Variants in GDPD1 observed in about 807,000 individuals in gnomAD.
GDPD1 encodes glycerophosphodiester phosphodiesterase domain containing 1, also known as lysophospholipase D GDPD1.
GDPD1 carries 28 observed loss-of-function variants against 45.1 expected under a neutral mutation model. That is an observed-to-expected ratio of 0.62 (90% confidence interval 0.46 to 0.85). The LOEUF is 0.85. Among genes scored for constraint, GDPD1 ranks in the 40% least tolerant of loss-of-function variants. The probability of loss-of-function intolerance (pLI) is 0.00; values close to 1 mark genes in which losing one functional copy is unlikely to be tolerated. For synonymous variants in GDPD1, 139 were observed against 131.4 expected, an observed-to-expected ratio of 1.06 and a Z score of -0.40; for missense variants, 256 against 364.8, an observed-to-expected ratio of 0.70 and a Z score of 2.43.
chr17:59,267,189 T>A lies in GDPD1; in HGVS notation c.710+15T>A. On this transcript the variant is annotated intron_variant, in intron 7 of 9. Transcript: ENST00000284116. ...ATTATACTGAAGTAAGTGGTTACCC[T>A]TTTATTTTAAAATCAATTATCAATT... 2 of 1,598,004 alleles carry A rather than the reference T, an allele frequency of 1.3e-6. No homozygotes were observed. The highest frequency in any genetic ancestry group is 8.5e-7 in the Non-Finnish European group (1 of 1,171,414).
intron 7 of GDPD1, among the ~76,000 whole-genome samples, chr17:59,268,664 C>T (rs948985323): frequency 6.6e-6 from 1 of 151,474 alleles, no homozygotes; most frequent in Non-Finnish European, 1.5e-5. Flanking sequence ...GAGCTTTCCT[C>T]TTTTATAGCA....
chr17:59,275,273 T>A lies in GDPD1; in HGVS notation c.*1500T>A. The A allele has an allele frequency of 8.2e-7, 1 of 1,214,730 alleles. No homozygotes were observed. The highest frequency in any genetic ancestry group is 1.2e-6 in the Non-Finnish European group (1 of 858,608). The allele number at this position is 1,214,730 out of a possible 1,614,324, so 75.2% of individuals were successfully genotyped here. A position where few individuals can be genotyped will look rare whatever the true frequency, so the allele number is the denominator to read the frequency against. Reference sequence around the variant, plus strand: ...CAGTGATGTGTAGTTATTTGGCAAGTTATACATAATCAGCAGCAGCCAGGC... The same window carrying A: ...CAGTGATGTGTAGTTATTTGGCAAGATATACATAATCAGCAGCAGCCAGGC... On this transcript the variant is annotated 3_prime_UTR_variant, in exon 10 of 10. Coordinates refer to ENST00000284116, the MANE Select transcript of GDPD1 (RefSeq NM_182569.4).
At chr17:59,239,002 A>G (rs2047155782) in intron 2 of GDPD1, among the ~76,000 whole-genome samples, 1 of 152,220 alleles carries the variant, frequency 6.6e-6, no homozygotes, top group African/African-American at 2.4e-5. Context: ...TAATAAAACT[A>G]GGTTATTAAA....
chr17:59,254,425 G>A (rs985594397), intron 4 of GDPD1, among the ~76,000 whole-genome samples: 4 of 151,836 alleles, frequency 2.6e-5, no homozygotes, highest in African/African-American at 9.7e-5. Context: ...CAGCTATTTG[G>A]AGGCTGAGGC....
At position 59,275,856 on chromosome 17, in the gene GDPD1, G is replaced by C. The variant is rs145863354; in HGVS notation, c.*2083G>C. On this transcript the variant is annotated 3_prime_UTR_variant, in exon 10 of 10. Transcript: ENST00000284116. ...TTACCTAGATTACATCTCTCATTTG[G>C]AGTTTGGCAATGAAACTGCTATGAA... is the stretch of plus-strand genomic sequence containing the variant. The C allele has an allele frequency of 2.0e-5, 3 of 152,286 alleles. No homozygotes were observed. Among genetic ancestry groups the C allele is most frequent in the African/African-American group, 7.2e-5 (3 of 41,568 alleles). The allele number at this position is 152,286 out of a possible 1,614,324, so 9.4% of individuals were successfully genotyped here. A position where few individuals can be genotyped will look rare whatever the true frequency, so the allele number is the denominator to read the frequency against.
At chr17:59,255,906 G>A (rs1324980337) in intron 4 of GDPD1, among the ~76,000 whole-genome samples, 2 of 137,208 alleles carry the variant, frequency 1.5e-5, no homozygotes, top group Admixed American at 1.5e-4. Context: ...TATATATATG[G>A]GCGTGGTGGT....
At chr17:59,265,566 G>T (rs1052008063) in intron 6 of GDPD1, among the ~76,000 whole-genome samples, 1 of 150,586 alleles carries the variant, frequency 6.6e-6, no homozygotes, top group South Asian at 2.1e-4. Context: ...GTACACATAG[G>T]AGGGCAAGGA....
At position 59,255,831 on chromosome 17, in the gene GDPD1, G is replaced by GTATA. The variant is rs369473417; in HGVS notation, c.368-1274_368-1271dup. On this transcript the variant is annotated intron_variant, in intron 4 of 9. Transcript: ENST00000284116. ...TATATACGCGTATATATATATACGC[G>GTATA]TATATATATATATATATATACACAC... is the stretch of plus-strand genomic sequence containing the variant. Among the ~76,000 whole-genome samples, 28 of 62,972 alleles carry GTATA rather than the reference G, an allele frequency of 4.4e-4. 3 individuals carry two copies. The highest frequency in any genetic ancestry group is 1.6e-3 in the African/African-American group (17 of 10,340). 41.3% of individuals were successfully genotyped at this position (62,972 alleles called of 152,430 possible).
intron 4 of GDPD1, among the ~76,000 whole-genome samples, chr17:59,254,983 C>T (rs976894607): frequency 1.3e-5 from 2 of 152,084 alleles, no homozygotes; most frequent in Non-Finnish European, 2.9e-5. Context: ...ATTGACAGTC[C>T]CATCAGAGTA....
rs888109405 is a variant in GDPD1, at chr17:59,237,701, TA to T, written c.185+3171del. Among the ~76,000 whole-genome samples the T allele has an allele frequency of 2.2e-4, 33 of 152,130 alleles. 1 individual carries two copies. Among genetic ancestry groups the T allele is most frequent in the African/African-American group, 7.9e-4 (33 of 41,522 alleles). ...AAATAGTTGGTGTGGGAAGCCTGAT[TA>T]AAATTAACCAGAAAATCAAAAGGTA... On this transcript the variant is annotated intron_variant, in intron 2 of 9. Transcript: ENST00000284116.
Position 59,234,519 on chromosome 17 carries a change from T to TGGC in GDPD1, c.171_173dup (p.Ala59dup), listed in dbSNP as rs2047116983. 6.2e-7 allele frequency: 1 copy of TGGC among 1,603,086 alleles called. No individual in the cohort carries two copies. Among genetic ancestry groups the TGGC allele is most frequent in the South Asian group, 1.1e-5 (1 of 90,230 alleles). On this transcript the variant is annotated inframe_insertion, in exon 2 of 10. Coordinates refer to ENST00000284116, the MANE Select transcript of GDPD1 (RefSeq NM_182569.4). ...GCTGGAGAAAATTTGGAGAATACAA[T>TGGC]GGCAGCCTTTCAGCAGTAAGTATGT... is the stretch of plus-strand genomic sequence containing the variant.
intron 1 of GDPD1, among the ~76,000 whole-genome samples, chr17:59,223,139 G>T (rs1378815471): frequency 2.6e-5 from 4 of 152,090 alleles, no homozygotes; most frequent in African/African-American, 7.2e-5. Context: ...TTCGTTTACT[G>T]TTGAAAATAC....
chr17:59,235,662 C>A (rs2047125870), intron 2 of GDPD1, among the ~76,000 whole-genome samples: 1 of 151,876 alleles, frequency 6.6e-6, no homozygotes, highest in African/African-American at 2.4e-5. Flanking sequence ...ACTAAAAATA[C>A]AAAAATTAGC....
In GDPD1 at chr17:59,248,728, A is replaced by G. The variant is rs776480958; in HGVS notation, c.322-12A>G. ...GAGAGTTAACTTTTTTTTCAATCATATCTTTTTAAAGGAGCTCCCACCTTA... is the reference window on the plus strand; with the variant it reads ...GAGAGTTAACTTTTTTTTCAATCATGTCTTTTTAAAGGAGCTCCCACCTTA... On this transcript the variant is annotated splice_polypyrimidine_tract_variant and intron_variant, in intron 3 of 9. Transcript: ENST00000284116. 5 of 1,578,230 alleles carry G rather than the reference A, an allele frequency of 3.2e-6. No individual in the cohort carries two copies. The African/African-American group carries it at 6.8e-5, about 22-fold the overall frequency.
intron 7 of GDPD1, among the ~76,000 whole-genome samples, chr17:59,270,345 C>A (rs927223856): frequency 5.7e-4 from 86 of 151,664 alleles, no homozygotes; most frequent in African/African-American, 2.0e-3. Flanking sequence ...AGGTGTGCGC[C>A]ACCATGCCCG....
chr17:59,253,157 C>T (rs1310653020), intron 4 of GDPD1, among the ~76,000 whole-genome samples: 3 of 151,850 alleles, frequency 2.0e-5, no homozygotes, highest in South Asian at 2.1e-4. Flanking sequence ...AATAGTGGCC[C>T]CTAACTTGCA....
chr17:59,232,478 C>T (rs1414682963), intron 1 of GDPD1, among the ~76,000 whole-genome samples: 1 of 151,828 alleles, frequency 6.6e-6, no homozygotes, highest in East Asian at 1.9e-4. Flanking sequence ...TGTCAGTACA[C>T]TGAAAGAAAT....
At chr17:59,230,486 G>A (rs1239776687) in intron 1 of GDPD1, among the ~76,000 whole-genome samples, 3 of 147,960 alleles carry the variant, frequency 2.0e-5, no homozygotes, top group Admixed American at 6.9e-5. Context: ...GGGTTCAAGC[G>A]ATTCTCCTGC....
Position 59,245,443 on chromosome 17 carries a change from A to T in GDPD1, c.215A>T (p.Glu72Val). The change falls in exon 3 of 10, where the codon GAA (glutamate) becomes GTA (valine). Residue 72 changes from glutamate to valine, a missense_variant. Physicochemically the swap from Glu to Val is moderately radical, Grantham distance 121. Transcript: ENST00000284116. ...GTTAAAATCGGAACTGATATGCTAGAATTGGACTGCCATATCACAAAAGAT... is the reference window on the plus strand; with the variant it reads ...GTTAAAATCGGAACTGATATGCTAGTATTGGACTGCCATATCACAAAAGAT... ...HAVKIGTDML[E>V]LDCHITKDEQ... is the part of the protein sequence containing the mutation. 2 of 1,610,950 alleles carry T rather than the reference A, an allele frequency of 1.2e-6. No homozygotes were observed. Among genetic ancestry groups the T allele is most frequent in the Non-Finnish European group, 1.7e-6 (2 of 1,177,736 alleles).
Sources: allele counts gnomAD v4.1 joint callset (sites outside exome capture counted in the v4.1 genomes callset), GRCh38; gene constraint gnomAD v4.1.1; transcripts MANE v1.5; gene names NCBI Gene and HGNC (gene_info 2026-07-23, HGNC 2026-07-21).